RTN4RL1: variants seen among roughly 807,000 people sequenced by gnomAD.
The protein encoded by RTN4RL1 is reticulon-4 receptor-like 1.
In RTN4RL1, 7 loss-of-function variants were observed where a neutral mutation model predicts 25.6. The ratio of observed to expected loss-of-function variants is 0.27; its 90% CI spans 0.16 to 0.51. The LOEUF (loss-of-function observed/expected upper bound fraction) is 0.51, where lower values mean the gene tolerates loss of function less well. RTN4RL1 is among the 20% of genes least tolerant of loss of function. The pLI, the probability that RTN4RL1 is intolerant of heterozygous loss-of-function variation, is 0.97. For synonymous variants in RTN4RL1, 297 were observed against 288.2 expected (o/e 1.03, Z -0.31); for missense variants, 500 against 615.6 (o/e 0.81, Z 1.99).
chr17:2,004,251 C>T (rs2066978274), intron 1 of RTN4RL1, among the ~76,000 whole-genome samples: 1 of 150,510 alleles, frequency 6.6e-6, no homozygotes, highest in Admixed American at 6.7e-5. Flanking sequence ...GCCTGTAGTC[C>T]TAGCTACTCG....
chr17:2,010,512 C>A (rs1365160150), intron 1 of RTN4RL1, among the ~76,000 whole-genome samples: 1 of 152,018 alleles, frequency 6.6e-6, no homozygotes, highest in African/African-American at 2.4e-5. Flanking sequence ...TATTTCTCCA[C>A]CCCAACTAGA....
At chr17:1,952,729 A>T (rs900153770) in intron 1 of RTN4RL1, among the ~76,000 whole-genome samples, 24 of 151,594 alleles carry the variant, frequency 1.6e-4, no homozygotes, top group Admixed American at 9.9e-4. Context: ...AGAGGCAACC[A>T]TGTGCTCCTC....
chr17:1,997,036 C>T (rs1001638858), intron 1 of RTN4RL1, among the ~76,000 whole-genome samples: 6 of 152,220 alleles, frequency 3.9e-5, no homozygotes, highest in African/African-American at 1.2e-4. Context: ...CCTGGCCTCC[C>T]CGCCTTCCCC....
chr17:1,952,029 C>A (rs1459348148), intron 1 of RTN4RL1, among the ~76,000 whole-genome samples: 1 of 149,762 alleles, frequency 6.7e-6, no homozygotes, highest in African/African-American at 2.5e-5. Flanking sequence ...AGGCTCTGCT[C>A]CAGGACCTGG....
intron 1 of RTN4RL1, among the ~76,000 whole-genome samples, chr17:2,001,726 C>T (rs756939589): frequency 1.3e-5 from 2 of 152,206 alleles, no homozygotes; most frequent in African/African-American, 2.4e-5. Flanking sequence ...CTGCTGGGGA[C>T]TAGGGCAGCC....
chr17:2,003,222 A>T (rs1029097006), intron 1 of RTN4RL1: 16 of 152,180 alleles, frequency 1.1e-4, no homozygotes, highest in Non-Finnish European at 2.2e-4. Flanking sequence ...AGCCTACGAG[A>T]GTCCTGAAGG....
chr17:2,013,662 T>TTG (rs1567528213), intron 1 of RTN4RL1, among the ~76,000 whole-genome samples: 53 of 119,452 alleles, frequency 4.4e-4, no homozygotes, highest in African/African-American at 6.0e-4. Flanking sequence ...TCTCTCACCC[T>TTG]GGAACATAAA....
At chr17:1,993,814 A>G (rs2066919291) in intron 1 of RTN4RL1, among the ~76,000 whole-genome samples, 1 of 152,152 alleles carries the variant, frequency 6.6e-6, no homozygotes, top group Non-Finnish European at 1.5e-5. Context: ...TAACAAAAAC[A>G]AATCACATTC....
intron 1 of RTN4RL1, among the ~76,000 whole-genome samples, chr17:1,946,349 T>G (rs1298556041): frequency 6.6e-6 from 1 of 152,206 alleles, no homozygotes; most frequent in African/African-American, 2.4e-5. Flanking sequence ...TCAAACACCA[T>G]GCGTCCCGCT....
chr17:2,012,577 T>G (rs2067063508), intron 1 of RTN4RL1, among the ~76,000 whole-genome samples: 1 of 152,044 alleles, frequency 6.6e-6, no homozygotes. Flanking sequence ...TTTCTTTCTC[T>G]TTTTCTCCTT....
intron 1 of RTN4RL1, among the ~76,000 whole-genome samples, chr17:1,938,978 G>A (rs1485169853): frequency 3.3e-5 from 5 of 151,968 alleles, no homozygotes; most frequent in Non-Finnish European, 4.4e-5. Context: ...CCTGGGAGGC[G>A]GAGGTTGCAG....
rs966772173 is a variant in RTN4RL1, at chr17:1,989,175, G to A, written c.13+35678C>T. 4.6e-5 allele frequency among the ~76,000 whole-genome samples: 7 copies of A among 152,226 alleles called. No homozygotes were observed. In the East Asian group the frequency reaches 1.4e-3, roughly 29 times the overall value. ...TTTAAGACGGTTAGCGGCGGCGGGG[G>A]AAACGGAGAGGAGGGGATGGAGGTA... On this transcript the variant is annotated intron_variant, in intron 1 of 1. Coordinates refer to ENST00000331238, the MANE Select transcript of RTN4RL1 (RefSeq NM_178568.4).
At chr17:1,973,324 C>A (rs141896381) in intron 1 of RTN4RL1, among the ~76,000 whole-genome samples, 131 of 149,402 alleles carry the variant, frequency 8.8e-4, no homozygotes, top group African/African-American at 3.0e-3. Context: ...TGAGATTGCA[C>A]CACTGCACTC....
intron 1 of RTN4RL1, among the ~76,000 whole-genome samples, chr17:1,954,169 C>T (rs1389455600): frequency 1.3e-5 from 2 of 152,174 alleles, no homozygotes; most frequent in Non-Finnish European, 2.9e-5. Flanking sequence ...TTTTCAATTA[C>T]TTGTGTCCAG....
Position 1,980,098 on chromosome 17 carries a change from C to T in RTN4RL1, c.14-42290G>A, listed in dbSNP as rs558429391. ...TTTTTGTTTGAGACAGGGCCTCACT[C>T]CGTCGCCCAGCCTGGAGTGCAGTGC... On this transcript the variant is annotated intron_variant, in intron 1 of 1. Coordinates refer to ENST00000331238, the MANE Select transcript of RTN4RL1 (RefSeq NM_178568.4). 2.7e-5 allele frequency among the ~76,000 whole-genome samples: 4 copies of T among 149,954 alleles called. No homozygotes were observed. The South Asian group carries it at 8.3e-4, about 31-fold the overall frequency.
chr17:1,956,165 C>T (rs879481495), intron 1 of RTN4RL1, among the ~76,000 whole-genome samples: 2 of 152,222 alleles, frequency 1.3e-5, no homozygotes, highest in Non-Finnish European at 2.9e-5. Flanking sequence ...ATCTTTGAGG[C>T]TGTGTACTAA....
chr17:1,961,373 G>C (rs1016534823), intron 1 of RTN4RL1, among the ~76,000 whole-genome samples: 1 of 152,188 alleles, frequency 6.6e-6, no homozygotes, highest in Non-Finnish European at 1.5e-5. Flanking sequence ...CATGGGCGGA[G>C]GCCTGGAGGC....
chr17:1,959,057 C>T (rs1915845842), intron 1 of RTN4RL1, among the ~76,000 whole-genome samples: 1 of 152,162 alleles, frequency 6.6e-6, no homozygotes, highest in South Asian at 2.1e-4. Flanking sequence ...AGCGGGAATC[C>T]TGGGCTCCGC....
At chr17:1,996,896 A>C (rs576275896) in intron 1 of RTN4RL1, among the ~76,000 whole-genome samples, 2 of 152,220 alleles carry the variant, frequency 1.3e-5, no homozygotes, top group Non-Finnish European at 1.5e-5. Context: ...AGAACCCAGG[A>C]GCAGGCTATT....
Sources: allele counts gnomAD v4.1 joint callset (sites outside exome capture counted in the v4.1 genomes callset), GRCh38; gene constraint gnomAD v4.1.1; transcripts MANE v1.5; gene names NCBI Gene and HGNC (gene_info 2026-07-23, HGNC 2026-07-21).